The following MED12L variants were observed in gnomAD, a reference collection of about 807,000 sequenced individuals.
MED12L encodes mediator of RNA polymerase II transcription subunit 12-like protein.
In MED12L, 60 loss-of-function variants were observed where a neutral mutation model predicts 281.3. The ratio of observed to expected loss-of-function variants is 0.21; its 90% CI spans 0.17 to 0.26. The LOEUF (loss-of-function observed/expected upper bound fraction) is 0.26, where lower values mean the gene tolerates loss of function less well. Ranked by LOEUF, MED12L falls within the 10% of genes least tolerant of loss-of-function variation. The pLI is 1.00. For synonymous variants in MED12L, 974 were observed against 987.2 expected, an observed-to-expected ratio of 0.99 and a Z score of 0.25; for missense variants, 2,146 against 2,680.9, an observed-to-expected ratio of 0.80 and a Z score of 4.41.
Position 151,185,698 on chromosome 3 carries a change from C to G in MED12L, c.1626+237C>G, listed in dbSNP as rs1723177276. 2.6e-5 allele frequency among the ~76,000 whole-genome samples: 4 copies of G among 152,106 alleles called. No individual in the cohort carries two copies. The South Asian group carries it at 8.3e-4, about 32-fold the overall frequency. ...TTTTAAAATAAAACTTTAGGCTGGG[C>G]ACAATGGCTCACACCTGTTATAATC... On this transcript the variant is annotated intron_variant, in intron 12 of 44. Transcript: ENST00000687756.
intron 16 of MED12L, among the ~76,000 whole-genome samples, chr3:151,251,480 C>G (rs890902588): frequency 6.6e-6 from 1 of 152,148 alleles, no homozygotes; most frequent in Admixed American, 6.6e-5. Context: ...GCCTCCCACC[C>G]ACAGGGTGTG....
intron 43 of MED12L, among the ~76,000 whole-genome samples, chr3:151,422,507 G>A (rs1283072284): frequency 6.6e-6 from 1 of 152,144 alleles, no homozygotes; most frequent in Non-Finnish European, 1.5e-5. Context: ...CATTCTCCCT[G>A]TGCATATACG....
At chr3:151,269,533 T>G in intron 16 of MED12L, 1 of 282,570 alleles carries the variant, frequency 3.5e-6, no homozygotes, top group East Asian at 1.0e-4. Context: ...TTGGAAGAGG[T>G]CAAAATTGAT....
intron 38 of MED12L, among the ~76,000 whole-genome samples, chr3:151,392,885 AATTAG>A (rs1480900334): frequency 6.6e-6 from 1 of 152,228 alleles, no homozygotes; most frequent in African/African-American, 2.4e-5. Context: ...AATTTTTAAA[AATTAG>A]ATTATAGTTT....
chr3:151,410,840 C>T (rs1244589032), intron 40 of MED12L, among the ~76,000 whole-genome samples: 4 of 152,148 alleles, frequency 2.6e-5, no homozygotes, highest in Non-Finnish European at 4.4e-5. Flanking sequence ...AAGTGTATTT[C>T]ATTATTTTAA....
chr3:151,278,963 G>A (rs1742359341), intron 16 of MED12L, among the ~76,000 whole-genome samples: 1 of 152,182 alleles, frequency 6.6e-6, no homozygotes, highest in Admixed American at 6.5e-5. Context: ...AACTCCTCGT[G>A]TGTTAACATT....
chr3:151,334,192 C>CTTTTTTTTTTTTTTTTTT lies in MED12L; in HGVS notation c.2251-15864_2251-15863insTTTTTTTTTTTTTTTTTT, dbSNP rs71848482. Among the ~76,000 whole-genome samples the CTTTTTTTTTTTTTTTTTT allele has an allele frequency of 4.4e-4, 44 of 99,430 alleles. 2 individuals carry two copies. Among genetic ancestry groups the CTTTTTTTTTTTTTTTTTT allele is most frequent in the African/African-American group, 1.2e-3 (30 of 25,158 alleles). The allele number at this position is 99,430 out of a possible 152,430, so 65.2% of individuals were successfully genotyped here. On this transcript the variant is annotated intron_variant, in intron 16 of 44. Coordinates refer to ENST00000687756, the MANE Select transcript of MED12L (RefSeq NM_001393769.1). The stretch of plus-strand genomic sequence containing the variant: ...GATGTTATGTGTTTTTTCTTTCTTT[C>CTTTTTTTTTTTTTTTTTT]TTTCTTTTTTTTTTTGCCATTTCTA...
chr3:151,217,962 C>CCTCAATATATAATTTG (rs1195222928), intron 16 of MED12L, among the ~76,000 whole-genome samples: 1 of 151,956 alleles, frequency 6.6e-6, no homozygotes, highest in African/African-American at 2.4e-5. Flanking sequence ...GACCAAAAGG[C>CCTCAATATATAATTTG]AGGAATATGT....
intron 16 of MED12L, among the ~76,000 whole-genome samples, chr3:151,311,333 GTA>G (rs563197003): frequency 2.0e-3 from 299 of 150,982 alleles, no homozygotes; most frequent in Non-Finnish European, 3.3e-3. Context: ...GTGTGTGTGT[GTA>G]TATATATATA....
intron 16 of MED12L, among the ~76,000 whole-genome samples, chr3:151,223,361 A>G (rs887536398): frequency 6.6e-6 from 1 of 152,180 alleles, no homozygotes; most frequent in Admixed American, 6.5e-5. Context: ...AAGAAAAACA[A>G]ATTGTTTTAC....
chr3:151,384,917 C>T lies in MED12L; in HGVS notation c.4927-113C>T, dbSNP rs1244157060. Reference sequence around the variant, plus strand: ...CATGTTCAGGGTTAAAGAACATGCGCTAAGCTATAAAAAGGGAAATGTTTC... The same window carrying T: ...CATGTTCAGGGTTAAAGAACATGCGTTAAGCTATAAAAAGGGAAATGTTTC... On this transcript the variant is annotated intron_variant, in intron 35 of 44. Transcript: ENST00000687756. 34 of 722,546 alleles carry T rather than the reference C, an allele frequency of 4.7e-5. 1 individual carries two copies. In the South Asian group the frequency reaches 4.7e-4, roughly 10 times the overall value. The allele number at this position is 722,546 out of a possible 1,614,324, so 44.8% of individuals were successfully genotyped here. A position where few individuals can be genotyped will look rare whatever the true frequency, so the allele number is the denominator to read the frequency against.
intron 16 of MED12L, among the ~76,000 whole-genome samples, chr3:151,257,128 TGTTAA>T (rs1737965568): frequency 6.6e-6 from 1 of 152,216 alleles, no homozygotes; most frequent in Non-Finnish European, 1.5e-5. Context: ...ATTTTTGAGC[TGTTAA>T]GTTTTCTAGA....
intron 16 of MED12L, among the ~76,000 whole-genome samples, chr3:151,284,517 A>G (rs1044659220): frequency 6.6e-6 from 1 of 152,182 alleles, no homozygotes; most frequent in Non-Finnish European, 1.5e-5. Flanking sequence ...TTTGAGCACA[A>G]CAGTTATTCT....
At position 151,159,831 on chromosome 3, in the gene MED12L, G is replaced by A; in HGVS notation, c.838-1G>A. ...AAGTCTGGTGTCCTTCTACTTCTCA[G>A]TATTCAGATGAGTTTGTTCAGTCGG... On this transcript the variant is annotated splice_acceptor_variant, in intron 7 of 44. Transcript: ENST00000687756. LOFTEE classifies it high-confidence loss of function. The A allele has an allele frequency of 6.2e-7, 1 of 1,611,542 alleles. No individual in the cohort carries two copies. The highest frequency in any genetic ancestry group is 8.5e-7 in the Non-Finnish European group (1 of 1,177,996).
chr3:151,197,875 G>C (rs1308988735), intron 16 of MED12L: 20 of 152,526 alleles, frequency 1.3e-4, no homozygotes, highest in Non-Finnish European at 1.5e-5. Flanking sequence ...TTTGGTTATT[G>C]TGTTAGAAAA....
rs1716907322 is a variant in MED12L at position 151,411,346 on chromosome 3, T to C, written c.5979T>C (p.Ala1993=). 1 of 1,614,114 alleles carries C rather than the reference T, an allele frequency of 6.2e-7. No homozygotes were observed. The highest frequency in any genetic ancestry group is 1.3e-5 in the African/African-American group (1 of 74,934). The change falls in exon 41 of 45, where the codon GCT becomes GCC. Residue 1993 remains alanine (A), a synonymous_variant. Transcript: ENST00000687756. ...TGCAGCAGACATCGCAGCAGCAGGC[T>C]GGCAGTGTGGTCCTGTCTCCCAGCT... ...MPLQQTSQQQ[A]GSVVLSPSYN...
At chr3:151,285,260 A>T (rs1043708349) in intron 16 of MED12L, among the ~76,000 whole-genome samples, 1 of 151,962 alleles carries the variant, frequency 6.6e-6, no homozygotes, top group African/African-American at 2.4e-5. Flanking sequence ...TGAGGTGGGC[A>T]GATCACAAGG....
At chr3:151,247,710 A>T (rs1381855867) in intron 16 of MED12L, among the ~76,000 whole-genome samples, 1 of 149,014 alleles carries the variant, frequency 6.7e-6, no homozygotes, top group Non-Finnish European at 1.5e-5. Flanking sequence ...ATGTATACAT[A>T]TGTAACTAAC....
chr3:151,090,760 C>T (rs1320515118), intron 2 of MED12L, among the ~76,000 whole-genome samples: 2 of 152,124 alleles, frequency 1.3e-5, no homozygotes, highest in Non-Finnish European at 2.9e-5. Flanking sequence ...TGAAACAGGG[C>T]CAGGCGTGGT....
Sources: allele counts gnomAD v4.1 joint callset (sites outside exome capture counted in the v4.1 genomes callset), GRCh38; gene constraint gnomAD v4.1.1; transcripts MANE v1.5; gene names NCBI Gene and HGNC (gene_info 2026-07-23, HGNC 2026-07-21).